CCNB3: variants seen among roughly 807,000 people sequenced by gnomAD.
CCNB3 encodes the protein G2/mitotic-specific cyclin-B3.
A neutral mutation model predicts 68.0 loss-of-function variants in CCNB3; 12 were observed. The observed-to-expected ratio is 0.18, with a 90% CI of 0.11 to 0.29. The LOEUF (loss-of-function observed/expected upper bound fraction) is 0.29, where lower values mean the gene tolerates loss of function less well. Among genes scored for constraint, CCNB3 ranks in the 10% least tolerant of loss-of-function variants. CCNB3 has a pLI of 1.00. For synonymous variants in CCNB3, 354 were observed against 388.9 expected, an observed-to-expected ratio of 0.91 and a Z score of 1.06; for missense variants, 904 against 993.1, an observed-to-expected ratio of 0.91 and a Z score of 1.21.
chrX:50,285,353 G>A, intron 3 of CCNB3, 94 bp downstream of exon 3: 3 of 696,980 alleles, frequency 4.3e-6, no homozygotes, highest in Non-Finnish European at 4.5e-6. Context: ...TTTGAAATAT[G>A]TCTGGTTTAA....
chrX:50,223,958 C>A (rs931534241), intron 1 of CCNB3, among the ~76,000 whole-genome samples: 3 of 111,799 alleles, frequency 2.7e-5, no homozygotes, highest in Non-Finnish European at 5.6e-5. Flanking sequence ...TTCAGAGATG[C>A]CCTGTCCAGA....
In CCNB3 at chrX:50,309,320, T is replaced by C. The variant is rs782371565; in HGVS notation, c.1151T>C (p.Ile384Thr). Residue 384 changes from isoleucine to threonine, a missense_variant, in exon 6 of 13, where the codon ATA becomes ACA. This residue lies in a region of CCNB3 where 619 missense variants were observed against 609.8 expected (regional missense o/e 1.02). Transcript: ENST00000376042. ...STEEAIMMPV[I>T]LKEQCMTEGK... ...GAGGAGGCAATCATGATGCCAGTAA[T>C]ATTGAAGGAGCAGTGCATGACTGAG... 2.5e-6 allele frequency: 3 copies of C among 1,210,836 alleles called. No individual in the cohort carries two copies. The South Asian group carries it at 5.3e-5, about 21-fold the overall frequency.
chrX:50,342,934 C>A (rs782308112), intron 9 of CCNB3, among the ~76,000 whole-genome samples: 2 of 111,274 alleles, frequency 1.8e-5, no homozygotes, highest in Non-Finnish European at 3.8e-5. Context: ...CTTGAACTCC[C>A]GACCTCAAGC....
chrX:50,218,033 A>G (rs1353699114), intron 1 of CCNB3, among the ~76,000 whole-genome samples: 2 of 111,954 alleles, frequency 1.8e-5, no homozygotes, highest in East Asian at 5.6e-4. Flanking sequence ...GGCAGTTTTT[A>G]TTTGCATCGA....
chrX:50,296,398 G>A (rs1464869617), intron 5 of CCNB3, among the ~76,000 whole-genome samples: 6 of 65,344 alleles, frequency 9.2e-5, no homozygotes, highest in East Asian at 9.2e-4. Flanking sequence ...TTGTCCTTGC[G>A]ATAGTTTGCT....
chrX:50,330,914 C>G (rs1460724675), intron 8 of CCNB3, among the ~76,000 whole-genome samples: 1 of 112,047 alleles, frequency 8.9e-6, no homozygotes, highest in African/African-American at 3.2e-5. Context: ...CATTTCTTAT[C>G]TGAGTTTCTT....
chrX:50,228,354 G>C (rs1935964558), intron 1 of CCNB3, among the ~76,000 whole-genome samples: 2 of 83,014 alleles, frequency 2.4e-5, no homozygotes, highest in African/African-American at 8.6e-5. Flanking sequence ...TACATATATA[G>C]AAGATATATA....
At chrX:50,308,075 G>A (rs1921176505) in intron 5 of CCNB3, among the ~76,000 whole-genome samples, 1 of 112,061 alleles carries the variant, frequency 8.9e-6, no homozygotes, top group African/African-American at 3.2e-5. Flanking sequence ...TTAATTACCA[G>A]CCCATCTCTC....
chrX:50,293,019 C>A (rs1557210320), intron 4 of CCNB3, among the ~76,000 whole-genome samples: 2 of 111,849 alleles, frequency 1.8e-5, no homozygotes, highest in African/African-American at 3.3e-5. Context: ...TAGGAAATAT[C>A]TGTATTTTTA....
chrX:50,336,988 G>A (rs781803530), intron 8 of CCNB3, among the ~76,000 whole-genome samples: 13 of 111,354 alleles, frequency 1.2e-4, no homozygotes, highest in South Asian at 7.8e-4. Flanking sequence ...GAGGCTTTTC[G>A]GTGTAAGTTG....
intron 8 of CCNB3, among the ~76,000 whole-genome samples, chrX:50,320,327 A>G (rs782681530): frequency 9.0e-6 from 1 of 110,753 alleles, no homozygotes; most frequent in African/African-American, 3.3e-5. Flanking sequence ...TAAGTTATCT[A>G]TTTCATATTG....
At chrX:50,279,075 C>T (rs1392252930) in intron 1 of CCNB3, among the ~76,000 whole-genome samples, 1 of 51,599 alleles carries the variant, frequency 1.9e-5, no homozygotes, top group African/African-American at 8.4e-5. Context: ...ATTTATAGAA[C>T]ATATATAAAT....
chrX:50,281,552 C>T (rs1260620321), intron 1 of CCNB3, among the ~76,000 whole-genome samples: 1 of 110,856 alleles, frequency 9.0e-6, no homozygotes, highest in Non-Finnish European at 1.9e-5. Context: ...CTGGGATGCG[C>T]GGCGTTCCTG....
intron 8 of CCNB3, among the ~76,000 whole-genome samples, chrX:50,327,544 G>A (rs1355224609): frequency 1.8e-5 from 2 of 112,522 alleles, no homozygotes; most frequent in African/African-American, 6.5e-5. Flanking sequence ...AAGTGGCCAA[G>A]TGCCTATGTG....
intron 1 of CCNB3, among the ~76,000 whole-genome samples, chrX:50,279,639 A>G (rs1054957057): frequency 1.3e-5 from 1 of 75,605 alleles, no homozygotes; most frequent in African/African-American, 4.4e-5. Context: ...TAAATATATG[A>G]ATATGTACAT....
At chrX:50,311,580 T>TG (rs1424666350) in intron 6 of CCNB3, 84 bp downstream of exon 6, 3 of 735,875 alleles carry the variant, frequency 4.1e-6, no homozygotes, top group African/African-American at 4.4e-5. Context: ...GTTTTTTTTT[T>TG]TTTGTTTTTG....
chrX:50,207,817 G>T (rs1480332192), intron 1 of CCNB3, among the ~76,000 whole-genome samples: 1 of 111,107 alleles, frequency 9.0e-6, no homozygotes, highest in Non-Finnish European at 1.9e-5. Context: ...TTAGTATATT[G>T]TGTCACAGAG....
intron 8 of CCNB3, among the ~76,000 whole-genome samples, chrX:50,317,673 A>C (rs782304502): frequency 9.1e-6 from 1 of 110,056 alleles, no homozygotes; most frequent in African/African-American, 3.3e-5. Context: ...AGGTTCAAGC[A>C]ATTCTCCTGC....
chrX:50,227,154 A>C (rs1369172353), intron 1 of CCNB3, among the ~76,000 whole-genome samples: 3 of 81,814 alleles, frequency 3.7e-5, no homozygotes, highest in Admixed American at 1.7e-4. Context: ...TATATACAAT[A>C]TATGTAGAAT....
Sources: gnomAD v4.1 joint callset for allele counts (sites outside exome capture counted in the v4.1 genomes callset) on GRCh38, gnomAD v4.1.1 for gene constraint, gnomAD v4.1.1 regional missense constraint, MANE v1.5 for transcripts, NCBI Gene and HGNC (gene_info 2026-07-23, HGNC 2026-07-21) for gene names.